NSL1: variants seen among roughly 807,000 people sequenced by gnomAD.
The protein encoded by NSL1 is NSL1 component of MIS12 kinetochore complex.
A neutral mutation model predicts 25.4 loss-of-function variants in NSL1; 11 were observed. That is an observed-to-expected ratio of 0.43 (90% confidence interval 0.27 to 0.72). NSL1 has a LOEUF of 0.72. NSL1 is among the 30% of genes least tolerant of loss of function. The pLI is 0.19. For missense variants in NSL1, 330 were observed against 342.7 expected (o/e 0.96, Z 0.29); for synonymous variants, 118 against 120.6 (o/e 0.98, Z 0.14).
rs1182672267 is a variant in NSL1, at chr1:212,780,525, A to T, written c.499+1847T>A. On this transcript the variant is annotated intron_variant, in intron 4 of 5. Transcript: ENST00000366977. ...TAAAAAAAAAAAAAAAGGAAAAAAAAAAAAGTGTCAGTTTTCAAAGACATT... is the reference window on the plus strand; with the variant it reads ...TAAAAAAAAAAAAAAAGGAAAAAAATAAAAGTGTCAGTTTTCAAAGACATT... 3.3e-5 allele frequency among the ~76,000 whole-genome samples: 5 copies of T among 152,074 alleles called. No homozygotes were observed. In the East Asian group the frequency reaches 9.6e-4, roughly 29 times the overall value.
At chr1:212,772,133 G>C (rs1306039632) in intron 4 of NSL1, among the ~76,000 whole-genome samples, 1 of 152,102 alleles carries the variant, frequency 6.6e-6, no homozygotes, top group African/African-American at 2.4e-5. Flanking sequence ...GCCTCCTCAG[G>C]CATGTTGAAC....
At chr1:212,746,392 TA>T (rs1483743668) in intron 4 of NSL1, among the ~76,000 whole-genome samples, 1 of 151,212 alleles carries the variant, frequency 6.6e-6, no homozygotes, top group African/African-American at 2.4e-5. Context: ...AGGAAACCAC[TA>T]AAAAAAACCC....
In NSL1 at chr1:212,779,997, G is replaced by A. The variant is rs1337696303; in HGVS notation, c.499+2375C>T. Among the ~76,000 whole-genome samples the A allele has an allele frequency of 3.1e-4, 47 of 152,180 alleles. 1 individual carries two copies. In the South Asian group the frequency reaches 4.4e-3, roughly 14 times the overall value. The stretch of plus-strand genomic sequence containing the variant: ...TCTGCCCGGCCGCCACCCCGTCTGG[G>A]AGGTGTACCCAACAGCTCATTGAGA... On this transcript the variant is annotated intron_variant, in intron 4 of 5. Transcript: ENST00000366977.
chr1:212,781,975 A>G, intron 4 of NSL1: 1 of 473,530 alleles, frequency 2.1e-6, no homozygotes, highest in Non-Finnish European at 4.1e-6. Flanking sequence ...GATTTTAGAA[A>G]TAATGAGAAA....
At chr1:212,757,961 G>A (rs1293030988) in intron 4 of NSL1, among the ~76,000 whole-genome samples, 1 of 152,172 alleles carries the variant, frequency 6.6e-6, no homozygotes, top group Non-Finnish European at 1.5e-5. Flanking sequence ...TCTACTGATG[G>A]ACTGAGGATG....
At position 212,729,830 on chromosome 1, in the gene NSL1, T is replaced by C. The variant is rs1657938139; in HGVS notation, c.*8578A>G. ...AAAAAGCAATGTAATCAGCTGGTGCTGCAAAGGGCAGTGATGTGTGGACGA... is the reference window on the plus strand; with the variant it reads ...AAAAAGCAATGTAATCAGCTGGTGCCGCAAAGGGCAGTGATGTGTGGACGA... On this transcript the variant is annotated 3_prime_UTR_variant, in exon 6 of 6. Transcript: ENST00000366977. 1 of 985,244 alleles carries C rather than the reference T, an allele frequency of 1.0e-6. No homozygotes were observed. The highest frequency in any genetic ancestry group is 1.7e-5 in the African/African-American group (1 of 57,214). The allele number at this position is 985,244 out of a possible 1,614,324, so 61.0% of individuals were successfully genotyped here. A position where few individuals can be genotyped will look rare whatever the true frequency, so the allele number is the denominator to read the frequency against.
intron 4 of NSL1, among the ~76,000 whole-genome samples, chr1:212,741,396 G>A (rs566381353): frequency 2.0e-5 from 3 of 152,210 alleles, no homozygotes; most frequent in South Asian, 2.1e-4. Context: ...ATCTCATGTC[G>A]AATCATAATC....
chr1:212,764,047 A>G (rs1275881806), intron 4 of NSL1: 1 of 438,562 alleles, frequency 2.3e-6, no homozygotes, highest in Non-Finnish European at 4.6e-6. Context: ...AAGTCTCAAT[A>G]AATTTAAGAA....
At chr1:212,790,823 TG>T (rs1340890427) in intron 1 of NSL1, among the ~76,000 whole-genome samples, 2 of 151,802 alleles carry the variant, frequency 1.3e-5, no homozygotes, top group East Asian at 3.9e-4. Context: ...CTCAGGAGGC[TG>T]AGGCAGGAGA....
chr1:212,734,076 CTTT>C lies in NSL1; in HGVS notation c.*4329_*4331del, dbSNP rs1156450269. Reference sequence around the variant, plus strand: ...CTTTCATATTTTTAATTTTCAAAAACTTTTTCTTATTTACTGAACATTATTTAA... The same window carrying C: ...CTTTCATATTTTTAATTTTCAAAAACTTCTTATTTACTGAACATTATTTAA... On this transcript the variant is annotated 3_prime_UTR_variant, in exon 6 of 6. Transcript: ENST00000366977. Among the ~76,000 whole-genome samples the C allele has an allele frequency of 6.6e-6, 1 of 152,226 alleles. No homozygotes were observed. The highest frequency in any genetic ancestry group is 2.4e-5 in the African/African-American group (1 of 41,550).
Position 212,727,019 on chromosome 1 carries a change from TC to T in NSL1, c.*11388del, listed in dbSNP as rs1657817588. ...TCAGAGGCCCTCCAGTCCAGTCTAC[TC>T]CGGCCTTGGAGATGACTGCCGAGAG... On this transcript the variant is annotated 3_prime_UTR_variant, in exon 6 of 6. Coordinates refer to ENST00000366977, the MANE Select transcript of NSL1 (RefSeq NM_015471.4). 1.5e-6 allele frequency: 2 copies of T among 1,293,724 alleles called. No individual in the cohort carries two copies. Among genetic ancestry groups the T allele is most frequent in the Admixed American group, 4.4e-5 (2 of 45,738 alleles). 80.1% of individuals were successfully genotyped at this position (1,293,724 alleles called of 1,614,324 possible).
In NSL1 at chr1:212,735,034, AG is replaced by A. The variant is rs1658178157; in HGVS notation, c.*3373del. Among the ~76,000 whole-genome samples, 1 of 152,236 alleles carries A rather than the reference AG, an allele frequency of 6.6e-6. No individual in the cohort carries two copies. The highest frequency in any genetic ancestry group is 2.1e-4 in the South Asian group (1 of 4,832). On this transcript the variant is annotated 3_prime_UTR_variant, in exon 6 of 6. Transcript: ENST00000366977. ...ACTTCTCAGAATAACGCTATGAGGT[AG>A]GCATAATTATTATCCCCATTTTGCA...
intron 4 of NSL1, among the ~76,000 whole-genome samples, chr1:212,771,611 C>CAAAAAA (rs57899487): frequency 6.1e-4 from 39 of 63,862 alleles, no homozygotes; most frequent in African/African-American, 1.4e-3. Context: ...AAGACTCCAC[C>CAAAAAA]AAAAAAAAAA....
At chr1:212,739,709 C>A in intron 4 of NSL1, 108 bp from the exon 5 acceptor site, 1 of 972,846 alleles carries the variant, frequency 1.0e-6, no homozygotes, top group African/African-American at 1.6e-5. Flanking sequence ...GGACAAAAAT[C>A]TGCTAGGACG....
chr1:212,762,167 G>A (rs1047067879), intron 4 of NSL1, among the ~76,000 whole-genome samples: 4 of 151,786 alleles, frequency 2.6e-5, no homozygotes, highest in South Asian at 2.1e-4. Flanking sequence ...GCATGGTTGC[G>A]CATGCCTATA....
chr1:212,745,160 CTATATATAT>C (rs1340561271), intron 4 of NSL1, among the ~76,000 whole-genome samples: 31 of 117,706 alleles, frequency 2.6e-4, no homozygotes, highest in South Asian at 2.2e-3. Context: ...AACAAACAAA[CTATATATAT>C]ATATATATAT....
At position 212,729,972 on chromosome 1, in the gene NSL1, C is replaced by T. The variant is rs1047450278; in HGVS notation, c.*8436G>A. On this transcript the variant is annotated 3_prime_UTR_variant, in exon 6 of 6. Transcript: ENST00000366977. ...TTTTTTTTTTAAGAATGAAATGGGC[C>T]GGGCGTGGCGGCTCACTCCTGTAAT... The T allele has an allele frequency of 7.2e-5, 71 of 984,698 alleles. No homozygotes were observed. Among genetic ancestry groups the T allele is most frequent in the Middle Eastern group, 1.0e-3 (2 of 1,914 alleles). 61.0% of individuals were successfully genotyped at this position (984,698 alleles called of 1,614,324 possible). A position where few individuals can be genotyped will look rare whatever the true frequency, so the allele number is the denominator to read the frequency against.
rs532513391 is a variant in NSL1, at chr1:212,760,863, G to A, written c.500-21262C>T. 6.6e-6 allele frequency among the ~76,000 whole-genome samples: 1 copy of A among 152,258 alleles called. No homozygotes were observed. The highest frequency in any genetic ancestry group is 2.1e-4 in the South Asian group (1 of 4,832). ...AACCAAAAATGGATGTATTTGGCAT[G>A]CCATCACCACCAGTGGGGCCCAAGA... is the stretch of plus-strand genomic sequence containing the variant. On this transcript the variant is annotated intron_variant, in intron 4 of 5. Coordinates refer to ENST00000366977, the MANE Select transcript of NSL1 (RefSeq NM_015471.4). This position sits in a 1 kb window ranked among gnomAD's most constrained non-coding sequence, Gnocchi z 4.3.
chr1:212,759,524 C>A (rs1659461128), intron 4 of NSL1, among the ~76,000 whole-genome samples: 1 of 152,124 alleles, frequency 6.6e-6, no homozygotes, highest in Admixed American at 6.5e-5. Context: ...GGCCCTAAGA[C>A]TAGTATAGGG....
Sources: gnomAD v4.1 joint callset for allele counts (sites outside exome capture counted in the v4.1 genomes callset) on GRCh38, gnomAD v4.1.1 for gene constraint, Gnocchi (gnomAD v3.1) non-coding constraint, MANE v1.5 for transcripts, NCBI Gene and HGNC (gene_info 2026-07-23, HGNC 2026-07-21) for gene names.